DET1: variants seen among roughly 807,000 people sequenced by gnomAD.
DET1 encodes the protein DET1 partner of COP1 E3 ubiquitin ligase.
DET1 carries 22 observed loss-of-function variants against 43.7 expected under a neutral mutation model. That is an observed-to-expected ratio of 0.50 (90% CI 0.36 to 0.72). The LOEUF (loss-of-function observed/expected upper bound fraction) is 0.72. Among genes scored for constraint, DET1 ranks in the 30% least tolerant of loss-of-function variants. The pLI, the probability that DET1 is intolerant of heterozygous loss-of-function variation, is 0.00. For missense variants in DET1, 713 were observed against 713.3 expected (o/e 1.00, Z 0.00); for synonymous variants, 315 against 266.2 (o/e 1.18, Z -1.79).
rs375831122 is a variant in DET1, at chr15:88,531,299, T to A, written c.407A>T (p.Asn136Ile). 6.2e-7 allele frequency: 1 copy of A among 1,613,968 alleles called. No homozygotes were observed. Among genetic ancestry groups the A allele is most frequent in the Admixed American group, 1.7e-5 (1 of 60,030 alleles). ...VLLHITNVAA[N>I]GEHLNRECSL... Reference sequence around the variant, plus strand: ...ACACTCCCGGTTCAGGTGCTCACCATTGGCCGCAACATTGGTAATGTGCAG... The same window carrying A: ...ACACTCCCGGTTCAGGTGCTCACCAATGGCCGCAACATTGGTAATGTGCAG... The change falls in exon 2 of 5, where the codon AAT (asparagine) becomes ATT (isoleucine). Residue 136 changes from asparagine to isoleucine, a missense_variant. Physicochemically the swap from Asn to Ile is moderately radical, Grantham distance 149. Coordinates refer to ENST00000268148, the MANE Select transcript of DET1 (RefSeq NM_001144074.3). The surrounding 1 kb of genome is among the most constrained non-coding windows in gnomAD (Gnocchi z 6.2).
chr15:88,511,324 C>T, downstream of DET1: 1 of 844,522 alleles, frequency 1.2e-6, no homozygotes, highest in African/African-American at 1.9e-5. Context: ...AAAACCCTAG[C>T]AACCTGCACA....
chr15:88,511,781 G>A (rs2056204517), downstream of DET1, among the ~76,000 whole-genome samples: 1 of 152,162 alleles, frequency 6.6e-6, no homozygotes, highest in African/African-American at 2.4e-5. Flanking sequence ...TGTTTTTGGT[G>A]GGACTCAGGA....
rs1428465407 is a variant in DET1, at chr15:88,546,580, C to A, written c.-51G>T. ...TCAAAGAGCCAGGGCGAGGGATGCC[C>A]CAGCCTGTTCTGTGCGCGCCTCCCC... On this transcript the variant is annotated 5_prime_UTR_variant, in exon 1 of 5. Coordinates refer to ENST00000268148, the MANE Select transcript of DET1 (RefSeq NM_001144074.3). 1 of 152,440 alleles carries A rather than the reference C, an allele frequency of 6.6e-6. No individual in the cohort carries two copies. Among genetic ancestry groups the A allele is most frequent in the East Asian group, 1.9e-4 (1 of 5,198 alleles). 9.4% of individuals were successfully genotyped at this position (152,440 alleles called of 1,614,324 possible).
In DET1 at chr15:88,530,666, G is replaced by C; in HGVS notation, c.1040C>G (p.Thr347Ser). Reference protein sequence around the residue: ...LDENHLFIKYTSEDVVTLRVT... With the variant: ...LDENHLFIKYSSEDVVTLRVT... Reference sequence around the variant, plus strand: ...TCGCAGTGTTACTACATCCTCACTAGTGTACTTGATAAACAGGTGGTTTTC... The same window carrying C: ...TCGCAGTGTTACTACATCCTCACTACTGTACTTGATAAACAGGTGGTTTTC... Residue 347 changes from threonine to serine, a missense_variant, in exon 2 of 5, where the codon ACT (threonine) becomes AGT (serine). Thr to Ser is a moderately conservative substitution (Grantham distance 58). Coordinates refer to ENST00000268148, the MANE Select transcript of DET1 (RefSeq NM_001144074.3). 1 of 1,613,526 alleles carries C rather than the reference G, an allele frequency of 6.2e-7. No individual in the cohort carries two copies. Among genetic ancestry groups the C allele is most frequent in the African/African-American group, 1.3e-5 (1 of 75,038 alleles).
At chr15:88,528,879 T>C (rs1259723248) in intron 2 of DET1, among the ~76,000 whole-genome samples, 2 of 152,226 alleles carry the variant, frequency 1.3e-5, no homozygotes, top group African/African-American at 4.8e-5. Context: ...AATTTGGCTG[T>C]AAATTAAAGA....
intron 1 of DET1, among the ~76,000 whole-genome samples, chr15:88,545,704 A>G (rs1385592574): frequency 6.6e-6 from 1 of 150,572 alleles, no homozygotes; most frequent in Non-Finnish European, 1.5e-5. Flanking sequence ...TTGATTCCCC[A>G]AAAACACAAG....
rs1224096533 is a variant in DET1 at position 88,531,575 on chromosome 15, T to G, written c.131A>C (p.Gln44Pro). 1 of 1,614,032 alleles carries G rather than the reference T, an allele frequency of 6.2e-7. No homozygotes were observed. Among genetic ancestry groups the G allele is most frequent in the Non-Finnish European group, 8.5e-7 (1 of 1,179,892 alleles). The change falls in exon 2 of 5, where the codon CAG (glutamine) becomes CCG (proline). Residue 44 changes from glutamine (Q) to proline (P), a missense_variant. Gln to Pro is a moderately conservative substitution (Grantham distance 76). Transcript: ENST00000268148. This position sits in a 1 kb window ranked among gnomAD's most constrained non-coding sequence, Gnocchi z 6.2. ...THWHQVRVFHQNVFPNFTVVN... is the reference protein window; with the variant it reads ...THWHQVRVFHPNVFPNFTVVN... Reference sequence around the variant, plus strand: ...AACTGTGAAGTTGGGGAAGACATTCTGATGGAACACTCGGACTTGGTGCCA... The same window carrying G: ...AACTGTGAAGTTGGGGAAGACATTCGGATGGAACACTCGGACTTGGTGCCA...
intron 1 of DET1, among the ~76,000 whole-genome samples, chr15:88,540,432 A>G (rs912675226): frequency 1.3e-5 from 2 of 151,384 alleles, no homozygotes; most frequent in African/African-American, 4.9e-5. Context: ...TGGATCTGAT[A>G]CCTCTGCTCA....
At chr15:88,525,694 C>G (rs2056642458) in intron 3 of DET1, among the ~76,000 whole-genome samples, 1 of 152,128 alleles carries the variant, frequency 6.6e-6, no homozygotes, top group Non-Finnish European at 1.5e-5. Context: ...CAGGGTCTTG[C>G]TCTGTCACCC....
intron 3 of DET1, among the ~76,000 whole-genome samples, chr15:88,521,321 C>T (rs1300364674): frequency 2.0e-5 from 3 of 152,228 alleles, no homozygotes; most frequent in Admixed American, 1.3e-4. Context: ...GAAGCCTATG[C>T]TGACAACTCT....
intron 2 of DET1, 148 bp from the exon 3 acceptor site, chr15:88,527,934 G>T: frequency 1.8e-6 from 1 of 548,374 alleles, no homozygotes; most frequent in Non-Finnish European, 3.0e-6. Flanking sequence ...CAAACACCTC[G>T]GCTTTACCAC....
chr15:88,504,558 T>C lies in DET1; in HGVS notation c.*2066-571A>G, dbSNP rs917639241. On this transcript the variant is annotated intron_variant and NMD_transcript_variant, in intron 7 of 8. Transcript: ENST00000557842. The surrounding 1 kb of genome is among the most constrained non-coding windows in gnomAD (Gnocchi z 4.7). ...TCTTGGGGCTGTACTGACCCTGGACTGCCCCTCCCAGAGTTTGCTAATTCC... is the reference window on the plus strand; with the variant it reads ...TCTTGGGGCTGTACTGACCCTGGACCGCCCCTCCCAGAGTTTGCTAATTCC... 21 of 152,232 alleles carry C rather than the reference T, an allele frequency of 1.4e-4. No individual in the cohort carries two copies. The highest frequency in any genetic ancestry group is 5.1e-4 in the African/African-American group (21 of 41,454). 9.4% of individuals were successfully genotyped at this position (152,232 alleles called of 1,614,324 possible).
At chr15:88,521,462 C>G (rs1304803791) in intron 3 of DET1, among the ~76,000 whole-genome samples, 1 of 152,236 alleles carries the variant, frequency 6.6e-6, no homozygotes, top group East Asian at 1.9e-4. Flanking sequence ...GACAGGTGGA[C>G]AGTCATTCTG....
At chr15:88,543,665 C>T (rs1433704615) in intron 1 of DET1, among the ~76,000 whole-genome samples, 1 of 152,162 alleles carries the variant, frequency 6.6e-6, no homozygotes, top group African/African-American at 2.4e-5. Flanking sequence ...CCAGCAAACA[C>T]CTCAGTGCAA....
chr15:88,531,595 G>C lies in DET1; in HGVS notation c.111C>G (p.His37Gln), dbSNP rs746878089. 1.2e-6 allele frequency: 2 copies of C among 1,613,906 alleles called. No homozygotes were observed. Among genetic ancestry groups the C allele is most frequent in the Non-Finnish European group, 1.7e-6 (2 of 1,179,908 alleles). Residue 37 changes from histidine (H) to glutamine (Q), a missense_variant, in exon 2 of 5, where the codon CAC (histidine) becomes CAG (glutamine). Coordinates refer to ENST00000268148, the MANE Select transcript of DET1 (RefSeq NM_001144074.3). The surrounding 1 kb of genome is among the most constrained non-coding windows in gnomAD (Gnocchi z 6.2). ...CATTCTGATGGAACACTCGGACTTG[G>C]TGCCAGTGGGTACCTGCCTTGCCTG... ...ISSGKAGTHW[H>Q]QVRVFHQNVF...
intron 3 of DET1, among the ~76,000 whole-genome samples, chr15:88,525,777 TCAGCCTCCCTAGTAGCTGGGACTA>T (rs1435847209): frequency 4.0e-5 from 6 of 150,110 alleles, no homozygotes; most frequent in African/African-American, 1.5e-4. Flanking sequence ...TCCTCCCACC[TCAGCCTCCCTAGTAGCTGGGACTA>T]CAGGCATGCA....
chr15:88,511,922 C>G (rs2056206518), downstream of DET1, among the ~76,000 whole-genome samples: 1 of 152,120 alleles, frequency 6.6e-6, no homozygotes, highest in Admixed American at 6.5e-5. Context: ...AAGCTACCTT[C>G]AAAGTCAGAT....
At chr15:88,540,095 C>A (rs532692052) in intron 1 of DET1, among the ~76,000 whole-genome samples, 3 of 152,006 alleles carry the variant, frequency 2.0e-5, no homozygotes, top group Non-Finnish European at 4.4e-5. Context: ...GTTTCCACTG[C>A]GACAGCAAGT....
chr15:88,540,760 T>C (rs1486544382), intron 1 of DET1, among the ~76,000 whole-genome samples: 2 of 144,060 alleles, frequency 1.4e-5, no homozygotes, highest in East Asian at 4.0e-4. Flanking sequence ...AAGATGTGCT[T>C]TGTTAAACAG....
Sources: gnomAD v4.1 joint callset for allele counts (sites outside exome capture counted in the v4.1 genomes callset) on GRCh38, gnomAD v4.1.1 for gene constraint, Gnocchi (gnomAD v3.1) non-coding constraint, MANE v1.5 for transcripts, NCBI Gene and HGNC (gene_info 2026-07-23, HGNC 2026-07-21) for gene names.